Variants in CACNA2D1 observed in about 807,000 individuals in gnomAD.
CACNA2D1 encodes the protein calcium voltage-gated channel auxiliary subunit alpha2delta 1.
A neutral mutation model predicts 171.5 loss-of-function variants in CACNA2D1; 53 were observed. The observed-to-expected ratio is 0.31, with a 90% confidence interval of 0.25 to 0.39. The LOEUF is 0.39. Among genes scored for constraint, CACNA2D1 ranks in the 10% least tolerant of loss-of-function variants. CACNA2D1 has a pLI of 1.00. For missense variants in CACNA2D1, 903 were observed against 1,299.8 expected (o/e 0.69, Z 4.69); for synonymous variants, 442 against 443.1 (o/e 1.00, Z 0.03).
chr7:81,966,048 TA>T (rs887850880), intron 31 of CACNA2D1, among the ~76,000 whole-genome samples: 3 of 151,710 alleles, frequency 2.0e-5, no homozygotes, highest in Non-Finnish European at 4.4e-5. Flanking sequence ...AAAGATATTT[TA>T]AAAAAATATC....
intron 3 of CACNA2D1, among the ~76,000 whole-genome samples, chr7:82,231,896 T>C (rs1802976938): frequency 6.6e-6 from 1 of 152,168 alleles, no homozygotes; most frequent in Admixed American, 6.6e-5. Context: ...ACATTTTACA[T>C]TTTACTCTTC....
intron 6 of CACNA2D1, among the ~76,000 whole-genome samples, chr7:82,094,240 G>GA (rs56682610): frequency 0.013 from 1,885 of 146,580 alleles, 39 homozygotes; most frequent in African/African-American, 0.043. Context: ...AGAATGAAAA[G>GA]AAAAAAAAAA....
At chr7:82,179,221 A>T (rs1022572003) in intron 3 of CACNA2D1, among the ~76,000 whole-genome samples, 3 of 152,104 alleles carry the variant, frequency 2.0e-5, no homozygotes, top group African/African-American at 4.8e-5. Context: ...TTTAGATTCT[A>T]AAATTCTAAG....
At chr7:82,364,507 A>G (rs1056672775) in intron 1 of CACNA2D1, among the ~76,000 whole-genome samples, 1 of 152,180 alleles carries the variant, frequency 6.6e-6, no homozygotes, top group African/African-American at 2.4e-5. Flanking sequence ...ACCAAACTGC[A>G]CCATGCTAAA....
intron 3 of CACNA2D1, among the ~76,000 whole-genome samples, chr7:82,308,863 T>C (rs1814064326): frequency 6.6e-6 from 1 of 152,198 alleles, no homozygotes; most frequent in Non-Finnish European, 1.5e-5. Flanking sequence ...CCTAGGGCCA[T>C]CCCTTTAGAA....
At chr7:82,212,775 G>A (rs989898919) in intron 3 of CACNA2D1, among the ~76,000 whole-genome samples, 2 of 152,172 alleles carry the variant, frequency 1.3e-5, no homozygotes, top group Non-Finnish European at 2.9e-5. Flanking sequence ...ACTGAAATAT[G>A]CTGGTATAAT....
In CACNA2D1 at chr7:82,109,059, A is replaced by C. The variant is rs530423697; in HGVS notation, c.526+7985T>G. ...TTGCATGAGTCAGAATCAAGACTTT[A>C]TAATTTAAATAGCTCTTTAAAAGAA... On this transcript the variant is annotated intron_variant, in intron 6 of 38. Transcript: ENST00000356860. Among the ~76,000 whole-genome samples the C allele has an allele frequency of 7.9e-5, 12 of 152,294 alleles. No individual in the cohort carries two copies. The East Asian group carries it at 2.3e-3, about 29-fold the overall frequency.
chr7:82,337,728 G>C (rs1416650310), intron 2 of CACNA2D1, among the ~76,000 whole-genome samples: 5 of 152,076 alleles, frequency 3.3e-5, no homozygotes. Flanking sequence ...GTGCAAAACT[G>C]GCCTTCGTTT....
chr7:82,183,568 C>A (rs756355871), intron 3 of CACNA2D1, among the ~76,000 whole-genome samples: 4 of 152,022 alleles, frequency 2.6e-5, no homozygotes, highest in Non-Finnish European at 4.4e-5. Context: ...ACTTCTGGTT[C>A]TTCTTCTATA....
At position 81,947,270 on chromosome 7, in the gene CACNA2D1, A is replaced by AAAGTT. The variant is rs1371181769; in HGVS notation, c.*3117_*3121dup. 1 of 151,934 alleles carries AAAGTT rather than the reference A, an allele frequency of 6.6e-6. No homozygotes were observed. Among genetic ancestry groups the AAAGTT allele is most frequent in the South Asian group, 2.1e-4 (1 of 4,834 alleles). 9.4% of individuals were successfully genotyped at this position (151,934 alleles called of 1,614,324 possible). ...ATTTGAACCCGATAAGTCCAGTTTT[A>AAAGTT]AAGTTAATAAAAGGAATATTATAGG... On this transcript the variant is annotated 3_prime_UTR_variant, in exon 39 of 39. Transcript: ENST00000356860.
chr7:82,114,775 A>G (rs1172750906), intron 6 of CACNA2D1, among the ~76,000 whole-genome samples: 1 of 151,702 alleles, frequency 6.6e-6, no homozygotes, highest in Non-Finnish European at 1.5e-5. Flanking sequence ...AAAAAAAAAA[A>G]AAAAGAAACA....
chr7:82,097,187 A>C lies in CACNA2D1; in HGVS notation c.527-12287T>G, dbSNP rs573069447. On this transcript the variant is annotated intron_variant, in intron 6 of 38. Coordinates refer to ENST00000356860, the MANE Select transcript of CACNA2D1 (RefSeq NM_000722.4). ...CATTCTGGGAGTTGAACATTGTTCAAAACAGCTGAATGGATGAGGAATGTG... is the reference window on the plus strand; with the variant it reads ...CATTCTGGGAGTTGAACATTGTTCACAACAGCTGAATGGATGAGGAATGTG... Among the ~76,000 whole-genome samples the C allele has an allele frequency of 3.9e-5, 6 of 152,324 alleles. No homozygotes were observed. In the East Asian group the frequency reaches 9.7e-4, roughly 25 times the overall value.
At chr7:82,369,229 C>T (rs542717316) in intron 1 of CACNA2D1, among the ~76,000 whole-genome samples, 31 of 152,194 alleles carry the variant, frequency 2.0e-4, no homozygotes, top group African/African-American at 7.0e-4. Context: ...CAGACAGTGA[C>T]AGTGACTAAT....
intron 3 of CACNA2D1, among the ~76,000 whole-genome samples, chr7:82,311,152 T>C (rs1212950138): frequency 1.3e-5 from 2 of 152,104 alleles, no homozygotes; most frequent in Non-Finnish European, 1.5e-5. Flanking sequence ...TCCTTGTTAG[T>C]TCCATCTTTA....
rs193161813 is a variant in CACNA2D1 at position 82,391,418 on chromosome 7, C to T, written c.96-41769G>A. ...TCTGATTCACCTGACTTTTTGCCCACTCATCTAAATCAGAAGCTCAGATTA... is the reference window on the plus strand; with the variant it reads ...TCTGATTCACCTGACTTTTTGCCCATTCATCTAAATCAGAAGCTCAGATTA... On this transcript the variant is annotated intron_variant, in intron 1 of 38. Coordinates refer to ENST00000356860, the MANE Select transcript of CACNA2D1 (RefSeq NM_000722.4). Among the ~76,000 whole-genome samples, 87 of 152,292 alleles carry T rather than the reference C, an allele frequency of 5.7e-4. 1 individual carries two copies. The highest frequency in any genetic ancestry group is 2.0e-3 in the African/African-American group (84 of 41,554).
chr7:82,232,861 CAAAAAAAAAAAAAAAAAAA>C (rs71093370), intron 3 of CACNA2D1, among the ~76,000 whole-genome samples: 1 of 52,412 alleles, frequency 1.9e-5, no homozygotes, highest in Non-Finnish European at 3.4e-5. Flanking sequence ...GAGATGTCTC[CAAAAAAAAAAAAAAAAAAA>C]AAAAAAAAAA....
chr7:82,141,782 T>C (rs1471140007), intron 4 of CACNA2D1, among the ~76,000 whole-genome samples: 1 of 152,226 alleles, frequency 6.6e-6, no homozygotes, highest in Non-Finnish European at 1.5e-5. Flanking sequence ...AGTCAAGACA[T>C]TGCCCGTCTG....
intron 3 of CACNA2D1, among the ~76,000 whole-genome samples, chr7:82,260,503 A>G (rs1235383761): frequency 6.6e-6 from 1 of 152,218 alleles, no homozygotes; most frequent in Non-Finnish European, 1.5e-5. Context: ...TCAATTACAC[A>G]TGGTTAACCC....
At chr7:81,963,718 G>A (rs1318557798) in intron 34 of CACNA2D1, among the ~76,000 whole-genome samples, 1 of 151,950 alleles carries the variant, frequency 6.6e-6, no homozygotes, top group African/African-American at 2.4e-5. Context: ...ACTTCTTACA[G>A]ATCAATACAC....
Sources: gnomAD v4.1 joint callset for allele counts (sites outside exome capture counted in the v4.1 genomes callset) on GRCh38, gnomAD v4.1.1 for gene constraint, MANE v1.5 for transcripts, NCBI Gene and HGNC (gene_info 2026-07-23, HGNC 2026-07-21) for gene names.